Variants in NRXN3 observed in about 807,000 individuals in gnomAD.
The protein encoded by NRXN3 is neurexin 3, also known as neurexin III.
NRXN3 carries 32 observed loss-of-function variants against 137.6 expected under a neutral mutation model. That is an observed-to-expected ratio of 0.23 (90% CI 0.18 to 0.31). NRXN3 has a LOEUF of 0.31. Ranked by LOEUF, NRXN3 falls within the 10% of genes least tolerant of loss-of-function variation. The pLI is 1.00. For missense variants in NRXN3, 1,574 were observed against 2,062.5 expected (o/e 0.76, Z 4.59); for synonymous variants, 798 against 784.5 (o/e 1.02, Z -0.29).
At chr14:78,786,196 T>C (rs1289890092) in intron 8 of NRXN3, among the ~76,000 whole-genome samples, 2 of 152,216 alleles carry the variant, frequency 1.3e-5, no homozygotes, top group Non-Finnish European at 2.9e-5. Flanking sequence ...TAGTATGTAC[T>C]CAGAAACTAC....
chr14:78,778,017 CCT>C (rs1463569048), intron 8 of NRXN3, among the ~76,000 whole-genome samples: 1 of 152,172 alleles, frequency 6.6e-6, no homozygotes, highest in East Asian at 1.9e-4. Context: ...CCCACCTCAG[CCT>C]CCCAAAGTGC....
chr14:78,549,755 G>A lies in NRXN3; in HGVS notation c.758-95365G>A, dbSNP rs528981292. On this transcript the variant is annotated intron_variant, in intron 4 of 20. Transcript: ENST00000335750. ...ACCCTCCCAGCTCTTGTTTCTCTACGTGAGCATGTTGTGTGAATGCTGAGT... is the reference window on the plus strand; with the variant it reads ...ACCCTCCCAGCTCTTGTTTCTCTACATGAGCATGTTGTGTGAATGCTGAGT... Among the ~76,000 whole-genome samples, 8 of 151,902 alleles carry A rather than the reference G, an allele frequency of 5.3e-5. No homozygotes were observed. The South Asian group carries it at 1.2e-3, about 24-fold the overall frequency.
chr14:78,664,568 C>A (rs1266822624), intron 6 of NRXN3, among the ~76,000 whole-genome samples: 1 of 152,194 alleles, frequency 6.6e-6, no homozygotes, highest in African/African-American at 2.4e-5. Context: ...CTTTAACCCT[C>A]TACATTTGCA....
At chr14:78,591,166 T>A (rs1215638684) in intron 4 of NRXN3, among the ~76,000 whole-genome samples, 2 of 152,182 alleles carry the variant, frequency 1.3e-5, no homozygotes, top group Non-Finnish European at 2.9e-5. Flanking sequence ...CTGAGCAGGA[T>A]GGCCTGTGGG....
chr14:78,840,357 G>A (rs2152439411), intron 10 of NRXN3, among the ~76,000 whole-genome samples: 1 of 152,276 alleles, frequency 6.6e-6, no homozygotes, highest in East Asian at 1.9e-4. Flanking sequence ...AACATTTGAA[G>A]AGGACATAAA....
At chr14:79,821,314 G>A (rs533193394) in intron 20 of NRXN3, among the ~76,000 whole-genome samples, 3 of 152,090 alleles carry the variant, frequency 2.0e-5, no homozygotes, top group Non-Finnish European at 4.4e-5. Context: ...TATAAAGCAA[G>A]GGAAAACACT....
At chr14:78,516,522 A>T (rs535156513) in intron 4 of NRXN3, among the ~76,000 whole-genome samples, 1 of 151,214 alleles carries the variant, frequency 6.6e-6, no homozygotes, top group Non-Finnish European at 1.5e-5. Flanking sequence ...AAAGAAAATG[A>T]TGGCATTGAG....
chr14:78,375,894 C>T (rs1478426575), intron 4 of NRXN3, among the ~76,000 whole-genome samples: 5 of 152,016 alleles, frequency 3.3e-5, no homozygotes, highest in Non-Finnish European at 4.4e-5. Context: ...CAGCTTTTCC[C>T]CTTCTCATGA....
chr14:78,238,369 T>A (rs1259575241), intron 1 of NRXN3, among the ~76,000 whole-genome samples: 1 of 152,170 alleles, frequency 6.6e-6, no homozygotes, highest in African/African-American at 2.4e-5. Flanking sequence ...GCAAACCACC[T>A]GTGTGCGTGG....
intron 19 of NRXN3, among the ~76,000 whole-genome samples, chr14:79,747,031 A>G (rs923141231): frequency 2.6e-5 from 4 of 152,118 alleles, no homozygotes; most frequent in Non-Finnish European, 4.4e-5. Context: ...CAAGTACACA[A>G]TAGGGCATTT....
intron 15 of NRXN3, among the ~76,000 whole-genome samples, chr14:79,452,101 C>G (rs1055120127): frequency 6.6e-6 from 1 of 151,648 alleles, no homozygotes; most frequent in South Asian, 2.1e-4. Flanking sequence ...TCTTAGTAGA[C>G]GGACAAGTAT....
chr14:79,839,747 A>G (rs1214528449), intron 20 of NRXN3, among the ~76,000 whole-genome samples: 1 of 152,146 alleles, frequency 6.6e-6, no homozygotes, highest in Non-Finnish European at 1.5e-5. Context: ...CATTTCCCCA[A>G]TGTTCTCTTC....
chr14:79,560,118 CAACT>C (rs1359062906), intron 16 of NRXN3, among the ~76,000 whole-genome samples: 1 of 152,004 alleles, frequency 6.6e-6, no homozygotes, highest in Middle Eastern at 3.2e-3. Flanking sequence ...TTACTATTTG[CAACT>C]AACTGCTTGA....
chr14:78,862,227 A>T (rs1349000410), intron 10 of NRXN3, among the ~76,000 whole-genome samples: 2 of 151,248 alleles, frequency 1.3e-5, no homozygotes, highest in Non-Finnish European at 2.9e-5. Flanking sequence ...ATCTATAACA[A>T]GATTGTTATA....
chr14:79,722,598 T>G (rs2154065097), intron 19 of NRXN3, among the ~76,000 whole-genome samples: 1 of 152,278 alleles, frequency 6.6e-6, no homozygotes, highest in Non-Finnish European at 1.5e-5. Context: ...TGCTTCACAC[T>G]CTTTCTAAAA....
intron 16 of NRXN3, among the ~76,000 whole-genome samples, chr14:79,472,481 C>A (rs1327313576): frequency 6.6e-6 from 1 of 152,106 alleles, no homozygotes; most frequent in Non-Finnish European, 1.5e-5. Context: ...GCAATATTTT[C>A]TGAATGAATT....
intron 15 of NRXN3, among the ~76,000 whole-genome samples, chr14:79,261,030 G>C (rs956139566): frequency 6.6e-6 from 1 of 152,156 alleles, no homozygotes; most frequent in Admixed American, 6.5e-5. Context: ...TCATGGCAAA[G>C]TTTGAGAGGA....
At chr14:78,321,814 T>C (rs1217859836) in intron 4 of NRXN3, among the ~76,000 whole-genome samples, 1 of 152,190 alleles carries the variant, frequency 6.6e-6, no homozygotes, top group East Asian at 1.9e-4. Context: ...CATTGCTGGT[T>C]TCCCCTTCCA....
chr14:78,424,371 A>G (rs2093579617), intron 4 of NRXN3, among the ~76,000 whole-genome samples: 1 of 152,142 alleles, frequency 6.6e-6, no homozygotes, highest in African/African-American at 2.4e-5. Flanking sequence ...AAAGCTATTC[A>G]GCCATGGGGA....
Sources: gnomAD v4.1 joint callset for allele counts (sites outside exome capture counted in the v4.1 genomes callset) on GRCh38, gnomAD v4.1.1 for gene constraint, MANE v1.5 for transcripts, NCBI Gene and HGNC (gene_info 2026-07-23, HGNC 2026-07-21) for gene names.